SLC4A4: variants seen among roughly 807,000 people sequenced by gnomAD.
SLC4A4 encodes the protein electrogenic sodium bicarbonate cotransporter 1.
SLC4A4 carries 27 observed loss-of-function variants against 111.5 expected under a neutral mutation model. The observed-to-expected ratio is 0.24, with a 90% CI of 0.18 to 0.33. The LOEUF (loss-of-function observed/expected upper bound fraction) is 0.33. Ranked by LOEUF, SLC4A4 falls within the 10% of genes least tolerant of loss-of-function variation. The pLI is 1.00. For missense variants in SLC4A4, 909 were observed against 1,315.5 expected, an observed-to-expected ratio of 0.69 and a Z score of 4.78; for synonymous variants, 443 against 463.4, an observed-to-expected ratio of 0.96 and a Z score of 0.57.
At chr4:71,367,270 T>C (rs1212343625) in intron 6 of SLC4A4, among the ~76,000 whole-genome samples, 1 of 152,166 alleles carries the variant, frequency 6.6e-6, no homozygotes, top group Non-Finnish European at 1.5e-5. Context: ...GTATCAGTGA[T>C]AAAATTTGGG....
intron 2 of SLC4A4, among the ~76,000 whole-genome samples, chr4:71,154,977 C>A (rs1378673604): frequency 3.3e-5 from 5 of 152,106 alleles, no homozygotes; most frequent in African/African-American, 1.2e-4. Context: ...AGCTACAATA[C>A]GGTCTAAATT....
chr4:71,440,807 G>C (rs1234979361), intron 8 of SLC4A4, 34 bp downstream of exon 8: 1 of 1,610,908 alleles, frequency 6.2e-7, no homozygotes, highest in East Asian at 2.2e-5. Flanking sequence ...TCTACAATGT[G>C]CTAATAGGGT....
intron 1 of SLC4A4, among the ~76,000 whole-genome samples, chr4:71,065,393 A>AAATATATATATAT (rs538231512): frequency 0.041 from 6,235 of 151,778 alleles, 175 homozygotes; most frequent in Non-Finnish European, 0.064. Context: ...ATATGTTGTG[A>AAATATATATATAT]ATTATTGGGC....
At chr4:71,461,464 G>T (rs1383961424) in intron 12 of SLC4A4, among the ~76,000 whole-genome samples, 1 of 152,060 alleles carries the variant, frequency 6.6e-6, no homozygotes, top group Non-Finnish European at 1.5e-5. Context: ...ACTTTTTAGT[G>T]TTATACGAAG....
intron 15 of SLC4A4, among the ~76,000 whole-genome samples, chr4:71,495,089 A>G (rs1730282274): frequency 1.3e-5 from 2 of 152,050 alleles, no homozygotes; most frequent in African/African-American, 2.4e-5. Flanking sequence ...TTGGAGACTC[A>G]AGTTTCTGGA....
intron 1 of SLC4A4, among the ~76,000 whole-genome samples, chr4:71,217,400 A>G (rs1718498153): frequency 6.6e-6 from 1 of 152,044 alleles, no homozygotes; most frequent in Admixed American, 6.6e-5. Context: ...CCCCGTTTCT[A>G]CAAATACAAA....
chr4:71,378,172 T>C (rs574239349), intron 6 of SLC4A4, among the ~76,000 whole-genome samples: 1 of 152,314 alleles, frequency 6.6e-6, no homozygotes, highest in South Asian at 2.1e-4. Flanking sequence ...AGCCAAATCA[T>C]ACCATGTGTC....
chr4:71,477,188 ACT>A (rs750413179), intron 14 of SLC4A4, among the ~76,000 whole-genome samples: 6 of 151,646 alleles, frequency 4.0e-5, no homozygotes, highest in Admixed American at 2.0e-4. Context: ...TGTTTGATAA[ACT>A]CTGAACTGGG....
intron 6 of SLC4A4, among the ~76,000 whole-genome samples, chr4:71,394,607 C>A (rs961146303): frequency 1.3e-5 from 2 of 151,952 alleles, no homozygotes; most frequent in African/African-American, 2.4e-5. Flanking sequence ...TGTAGAAATT[C>A]CTTAAAGAAC....
intron 15 of SLC4A4, among the ~76,000 whole-genome samples, chr4:71,488,285 C>A (rs188920659): frequency 8.5e-4 from 129 of 151,472 alleles, no homozygotes; most frequent in African/African-American, 2.9e-3. Context: ...TGTAACTAAT[C>A]AAGGGAATCA....
In SLC4A4 at chr4:71,567,840, C is replaced by G. The variant is rs1479314336; in HGVS notation, c.*89C>G. ...GCCTCAAATTAGAATAGAACTTGAA[C>G]CTGAAGACAATGATTATTTCTGGAG... On this transcript the variant is annotated 3_prime_UTR_variant, in exon 26 of 26. Coordinates refer to ENST00000264485, the MANE Select transcript of SLC4A4 (RefSeq NM_001098484.3). 1.3e-6 allele frequency: 2 copies of G among 1,550,392 alleles called. No homozygotes were observed. Among genetic ancestry groups the G allele is most frequent in the Non-Finnish European group, 8.7e-7 (1 of 1,145,452 alleles).
At chr4:71,457,390 G>C (rs1351740603) in intron 12 of SLC4A4, among the ~76,000 whole-genome samples, 1 of 152,114 alleles carries the variant, frequency 6.6e-6, no homozygotes, top group Non-Finnish European at 1.5e-5. Context: ...AGAACTCTGG[G>C]ACTTACAGAA....
At chr4:71,287,811 G>A (rs1053400118) in intron 3 of SLC4A4, among the ~76,000 whole-genome samples, 3 of 152,140 alleles carry the variant, frequency 2.0e-5, no homozygotes, top group Non-Finnish European at 4.4e-5. Flanking sequence ...CCCTGAAGCT[G>A]ACTCTGGACT....
chr4:71,291,357 A>G (rs1015415313), intron 3 of SLC4A4, among the ~76,000 whole-genome samples: 2 of 152,224 alleles, frequency 1.3e-5, no homozygotes, highest in African/African-American at 4.8e-5. Context: ...AAAGTTAGTT[A>G]TAATGTGGGA....
chr4:71,146,827 C>T (rs1744185333), intron 2 of SLC4A4, among the ~76,000 whole-genome samples: 1 of 152,170 alleles, frequency 6.6e-6, no homozygotes, highest in Non-Finnish European at 1.5e-5. Flanking sequence ...GAAACTGCAT[C>T]AACTAATGAG....
In SLC4A4 at chr4:71,572,072, T is replaced by C. The variant is rs1441796200; in HGVS notation, c.*4321T>C. The C allele has an allele frequency of 6.6e-6, 1 of 152,254 alleles. No homozygotes were observed. Among genetic ancestry groups the C allele is most frequent in the African/African-American group, 2.4e-5 (1 of 41,418 alleles). The allele number at this position is 152,254 out of a possible 1,614,324, so 9.4% of individuals were successfully genotyped here. ...ATTATATGTATACTTAAAAATAAAG[T>C]AACTTTATGCATTTATGACTGTCAA... On this transcript the variant is annotated 3_prime_UTR_variant, in exon 26 of 26. Coordinates refer to ENST00000264485, the MANE Select transcript of SLC4A4 (RefSeq NM_001098484.3).
intron 2 of SLC4A4, among the ~76,000 whole-genome samples, chr4:71,141,060 A>G (rs1420288461): frequency 6.6e-6 from 1 of 152,200 alleles, no homozygotes; most frequent in Admixed American, 6.5e-5. Context: ...ATGATATTCT[A>G]TTATTAACTA....
chr4:71,269,048 G>GTGTTGGGTCACACATGCTC (rs2149078081), intron 3 of SLC4A4, among the ~76,000 whole-genome samples: 1 of 152,310 alleles, frequency 6.6e-6, no homozygotes, highest in African/African-American at 2.4e-5. Flanking sequence ...CACACATGCT[G>GTGTTGGGTCACACATGCTC]TGTTGGGAGT....
chr4:71,295,635 C>T (rs1418929256), intron 3 of SLC4A4, among the ~76,000 whole-genome samples: 2 of 149,838 alleles, frequency 1.3e-5, no homozygotes, highest in African/African-American at 4.9e-5. Flanking sequence ...TCTTCCTTTC[C>T]TCTCCTCTCC....
Sources: gnomAD v4.1 joint callset for allele counts (sites outside exome capture counted in the v4.1 genomes callset) on GRCh38, gnomAD v4.1.1 for gene constraint, MANE v1.5 for transcripts, NCBI Gene and HGNC (gene_info 2026-07-23, HGNC 2026-07-21) for gene names.